Variants in AP1S3 observed in about 807,000 individuals in gnomAD.
The protein encoded by AP1S3 is AP-1 complex subunit sigma-3.
Under a neutral mutation model 20.9 loss-of-function variants are expected in AP1S3, and 10 were observed. The observed-to-expected ratio is 0.48, with a 90% CI of 0.29 to 0.81. AP1S3 has a LOEUF of 0.81. Ranked by LOEUF, AP1S3 falls within the 30% of genes least tolerant of loss-of-function variation. The probability of loss-of-function intolerance (pLI) is 0.08; values close to 1 mark genes in which losing one functional copy is unlikely to be tolerated. For missense variants in AP1S3, 154 were observed against 183.8 expected (o/e 0.84, Z 0.94); for synonymous variants, 41 against 61.5 (o/e 0.67, Z 1.56).
chr2:223,832,245 G>T (rs917013112), intron 1 of AP1S3, among the ~76,000 whole-genome samples: 1 of 150,958 alleles, frequency 6.6e-6, no homozygotes, highest in Non-Finnish European at 1.5e-5. Flanking sequence ...GGACCCAAAA[G>T]GGCAGACATT....
chr2:223,831,177 C>T (rs755760814), intron 1 of AP1S3, among the ~76,000 whole-genome samples: 35 of 152,102 alleles, frequency 2.3e-4, no homozygotes, highest in Non-Finnish European at 8.8e-5. Context: ...GTCACCAAGG[C>T]TGGAGTGCAG....
intron 1 of AP1S3, among the ~76,000 whole-genome samples, chr2:223,791,644 A>C (rs1388595507): frequency 1.3e-5 from 2 of 152,228 alleles, no homozygotes; most frequent in Non-Finnish European, 2.9e-5. Context: ...GCCCTCTTTC[A>C]CTACTCTTAT....
At chr2:223,822,292 T>G (rs1692007804) in intron 1 of AP1S3, among the ~76,000 whole-genome samples, 1 of 151,908 alleles carries the variant, frequency 6.6e-6, no homozygotes, top group East Asian at 1.9e-4. Flanking sequence ...CTCGGGAGGC[T>G]GAGACAAGAG....
chr2:223,762,400 G>A (rs999938485), intron 4 of AP1S3, among the ~76,000 whole-genome samples: 4 of 151,204 alleles, frequency 2.6e-5, no homozygotes, highest in Non-Finnish European at 5.9e-5. Flanking sequence ...AGCCTCCCAA[G>A]TAGCTGGGGT....
rs768399601 is a variant in AP1S3, at chr2:223,777,848, T to A, written c.25A>T (p.Ser9Cys). The A allele has an allele frequency of 1.2e-6, 2 of 1,613,618 alleles. No individual in the cohort carries two copies. Among genetic ancestry groups the A allele is most frequent in the Middle Eastern group, 1.7e-4 (1 of 6,058 alleles). MIHFILLF[S>C]RQGKLRLQKW... ...TGTAGCCGTAATTTCCCTTGTCGAC[T>A]GAAGAGCAATATGAAATGTATCTAG... The change falls in exon 2 of 5, where the codon AGT becomes TGT. Residue 9 changes from serine to cysteine, a missense_variant. By Grantham distance (112) the Ser-to-Cys change is moderately radical. Transcript: ENST00000396654.
chr2:223,763,486 G>A (rs1433385950), intron 4 of AP1S3, among the ~76,000 whole-genome samples: 1 of 140,110 alleles, frequency 7.1e-6, no homozygotes, highest in African/African-American at 3.1e-5. Flanking sequence ...CTGAGGTCCT[G>A]AAGTTAAAAA....
At chr2:223,828,059 A>T (rs1397652299) in intron 1 of AP1S3, among the ~76,000 whole-genome samples, 1 of 6,160 alleles carries the variant, frequency 1.6e-4, no homozygotes, top group East Asian at 5.7e-3. Flanking sequence ...GACTTCATCT[A>T]AAAAAAAAAA....
intron 1 of AP1S3, among the ~76,000 whole-genome samples, chr2:223,794,559 A>G (rs773317235): frequency 6.6e-6 from 1 of 152,170 alleles, no homozygotes; most frequent in Non-Finnish European, 1.5e-5. Context: ...GACAGGTTTA[A>G]CAGTTCTCTG....
intron 3 of AP1S3, among the ~76,000 whole-genome samples, chr2:223,768,992 A>G (rs972042446): frequency 1.3e-5 from 2 of 152,216 alleles, no homozygotes; most frequent in Non-Finnish European, 2.9e-5. Context: ...AAATTCCTCC[A>G]TATACTTACA....
intron 1 of AP1S3, among the ~76,000 whole-genome samples, chr2:223,802,002 G>T (rs1475966605): frequency 6.6e-6 from 1 of 152,194 alleles, no homozygotes; most frequent in Non-Finnish European, 1.5e-5. Context: ...TTTTGCAAAA[G>T]ATATCTGAGG....
At chr2:223,774,368 TAAATAATAAATA>T (rs1223642788) in intron 3 of AP1S3, among the ~76,000 whole-genome samples, 2 of 110,918 alleles carry the variant, frequency 1.8e-5, no homozygotes, top group South Asian at 3.0e-4. Context: ...TCCGTCTCAA[TAAATAATAAATA>T]AATAAATAAA....
intron 1 of AP1S3, among the ~76,000 whole-genome samples, chr2:223,835,673 A>C (rs910998442): frequency 1.6e-4 from 24 of 152,172 alleles, no homozygotes; most frequent in African/African-American, 4.8e-4. Context: ...AAAAATAATA[A>C]TAATGTTTCC....
At chr2:223,791,997 A>C (rs1414233324) in intron 1 of AP1S3, among the ~76,000 whole-genome samples, 1 of 152,174 alleles carries the variant, frequency 6.6e-6, no homozygotes, top group Non-Finnish European at 1.5e-5. Flanking sequence ...AAGAAATCAG[A>C]GATGACACAA....
At chr2:223,805,986 C>G (rs1353336635) in intron 1 of AP1S3, among the ~76,000 whole-genome samples, 2 of 152,054 alleles carry the variant, frequency 1.3e-5, no homozygotes, top group Non-Finnish European at 2.9e-5. Context: ...AAACGTTTTA[C>G]CAAATTACAA....
At chr2:223,791,609 T>C (rs554911158) in intron 1 of AP1S3, among the ~76,000 whole-genome samples, 264 of 152,330 alleles carry the variant, frequency 1.7e-3, no homozygotes, top group African/African-American at 6.0e-3. Flanking sequence ...AGCATTCCTC[T>C]TGAAAACCAG....
intron 1 of AP1S3, among the ~76,000 whole-genome samples, chr2:223,778,185 G>A (rs935468697): frequency 5.0e-4 from 63 of 126,346 alleles, no homozygotes; most frequent in African/African-American, 2.2e-3. Context: ...GAGTGCAGTG[G>A]CGCGGTCTCA....
rs80015113 is a variant in AP1S3, at chr2:223,783,394, A to G, written c.4-5525T>C. 2.8e-3 allele frequency among the ~76,000 whole-genome samples: 434 copies of G among 152,300 alleles called. 1 individual carries two copies. The highest frequency in any genetic ancestry group is 9.8e-3 in the African/African-American group (406 of 41,568). On this transcript the variant is annotated intron_variant, in intron 1 of 4. Transcript: ENST00000396654. The stretch of plus-strand genomic sequence containing the variant: ...CAGATTATCCTTCAAACCCAAAGAC[A>G]TCAGGTGATTCCAGCTTTCTTTGTC...
intron 2 of AP1S3, 57 bp downstream of exon 2, chr2:223,777,634 G>T: frequency 6.7e-7 from 1 of 1,500,390 alleles, no homozygotes; most frequent in Non-Finnish European, 9.1e-7. Flanking sequence ...AAATGTTCAG[G>T]ATTAGAACAA....
At chr2:223,825,437 C>A (rs1423494347) in intron 1 of AP1S3, among the ~76,000 whole-genome samples, 3 of 152,166 alleles carry the variant, frequency 2.0e-5, no homozygotes, top group Non-Finnish European at 4.4e-5. Flanking sequence ...CCCTCTCACA[C>A]ACACATCCAG....
Sources: gnomAD v4.1 joint callset for allele counts (sites outside exome capture counted in the v4.1 genomes callset) on GRCh38, gnomAD v4.1.1 for gene constraint, MANE v1.5 for transcripts, NCBI Gene and HGNC (gene_info 2026-07-23, HGNC 2026-07-21) for gene names.